NOTCH1: variants seen among roughly 807,000 people sequenced by gnomAD.
NOTCH1 encodes the protein notch receptor 1.
NOTCH1 carries 37 observed loss-of-function variants against 254.8 expected under a neutral mutation model. The observed-to-expected ratio is 0.15, with a 90% confidence interval of 0.11 to 0.19. The LOEUF (loss-of-function observed/expected upper bound fraction) is 0.19. Ranked by LOEUF, NOTCH1 falls within the 10% of genes least tolerant of loss-of-function variation. The pLI is 1.00. For missense variants in NOTCH1, 2,972 were observed against 3,708.6 expected (o/e 0.80, Z 5.16); for synonymous variants, 1,731 against 1,618.1 (o/e 1.07, Z -1.68).
At position 136,505,494 on chromosome 9, in the gene NOTCH1, T is replaced by C. The variant is rs1484006835; in HGVS notation, c.4402A>G (p.Asn1468Asp). The C allele has an allele frequency of 6.2e-7, 1 of 1,612,718 alleles. No individual in the cohort carries two copies. Residue 1468 changes from asparagine to aspartate, a missense_variant, in exon 25 of 34, where the codon AAC (asparagine) becomes GAC (aspartate). Asn to Asp is a conservative substitution (Grantham distance 23). Around this residue, in one of 8 missense-constraint regions of NOTCH1, gnomAD observed 1,343 missense variants for 1,557.0 expected, o/e 0.86. Coordinates refer to ENST00000651671, the MANE Select transcript of NOTCH1 (RefSeq NM_017617.5). ...AGNKVCSLQC[N>D]NHACGWDGGD... ...CCGTCCCAGCCGCACGCGTGGTTGT[T>C]GCACTGCAGGCTGCAGACCTTGTTG...
chr9:136,508,190 T>C (rs199732383), intron 20 of NOTCH1, 42 bp downstream of exon 20: 16 of 1,609,136 alleles, frequency 9.9e-6, no homozygotes, highest in Middle Eastern at 1.7e-4. Context: ...ACAGAGGACC[T>C]TGATGGGCTG....
intron 18 of NOTCH1, among the ~76,000 whole-genome samples, chr9:136,509,325 T>C (rs756051162): frequency 1.3e-5 from 2 of 152,102 alleles, no homozygotes; most frequent in Non-Finnish European, 2.9e-5. Context: ...CGCGTGGGCA[T>C]AGGGTGGTTA....
In NOTCH1 at chr9:136,508,154, G is replaced by A. The variant is rs371180086; in HGVS notation, c.3326-15C>T. On this transcript the variant is annotated splice_polypyrimidine_tract_variant and intron_variant, in intron 20 of 33. Transcript: ENST00000651671. ...AACGTCAACACCTGCGGGGGATGGG[G>A]TGGTAGACAGGTGAGGCCCAGGCCC... 2 of 1,608,088 alleles carry A rather than the reference G, an allele frequency of 1.2e-6. No individual in the cohort carries two copies. Among genetic ancestry groups the A allele is most frequent in the Non-Finnish European group, 1.7e-6 (2 of 1,179,610 alleles).
At position 136,496,185 on chromosome 9, in the gene NOTCH1, G is replaced by T. The variant is rs771410115; in HGVS notation, c.7554C>A (p.Asp2518Glu). 1.2e-6 allele frequency: 2 copies of T among 1,610,618 alleles called. No individual in the cohort carries two copies. Among genetic ancestry groups the T allele is most frequent in the Non-Finnish European group, 1.7e-6 (2 of 1,179,516 alleles). Residue 2518 changes from aspartate (D) to glutamate (E), a missense_variant, in exon 34 of 34, where the codon GAC becomes GAA. By Grantham distance (45) the Asp-to-Glu change is conservative. This residue lies in a region of NOTCH1 where 85 missense variants were observed against 126.1 expected (regional missense o/e 0.67). Transcript: ENST00000651671. Reference sequence around the variant, plus strand: ...AATGCGGGGACGAGCTGGACCACTGGTCAGGGGACTCAGGGGACGGGGTGA... The same window carrying T: ...AATGCGGGGACGAGCTGGACCACTGTTCAGGGGACTCAGGGGACGGGGTGA... ...PFLTPSPESP[D>E]QWSSSSPHSN...
At chr9:136,527,096 G>A (rs11574863) in intron 2 of NOTCH1, among the ~76,000 whole-genome samples, 22,638 of 152,288 alleles carry the variant, frequency 0.15, 1,783 homozygotes, top group South Asian at 0.26. Context: ...GGGGGTCTGT[G>A]TGTGGGGGGC....
chr9:136,516,214 G>C (rs1843270263), intron 9 of NOTCH1, 120 bp from the exon 10 acceptor site: 10 of 734,186 alleles, frequency 1.4e-5, no homozygotes, highest in Non-Finnish European at 2.1e-5. Flanking sequence ...CACTCAGCCT[G>C]AGCTCAGCCA....
intron 2 of NOTCH1, among the ~76,000 whole-genome samples, chr9:136,528,126 G>A (rs1589075469): frequency 6.6e-6 from 1 of 151,620 alleles, no homozygotes; most frequent in Non-Finnish European, 1.5e-5. Context: ...GAGAAGGAGG[G>A]GTGAGAGGGA....
chr9:136,507,849 G>A, intron 21 of NOTCH1, 106 bp downstream of exon 21: 3 of 1,159,554 alleles, frequency 2.6e-6, no homozygotes, highest in Non-Finnish European at 3.8e-6. Flanking sequence ...AACAGTGCAT[G>A]GGCCTATCAG....
At chr9:136,514,350 C>T (rs1221485880) in intron 13 of NOTCH1, among the ~76,000 whole-genome samples, 160 bp downstream of exon 13, 2 of 152,190 alleles carry the variant, frequency 1.3e-5, no homozygotes, top group Non-Finnish European at 2.9e-5. Context: ...GACTGAGGAC[C>T]CAGAGGCATG....
intron 25 of NOTCH1, 47 bp downstream of exon 25, chr9:136,505,263 A>G (rs773077132): frequency 1.7e-5 from 26 of 1,545,250 alleles, no homozygotes; most frequent in Non-Finnish European, 2.3e-5. Flanking sequence ...GCCAGGCCAC[A>G]TCCAAGTTCA....
intron 15 of NOTCH1, 91 bp downstream of exon 15, chr9:136,512,930 C>A (rs1160291840): frequency 2.4e-6 from 1 of 415,594 alleles, no homozygotes; most frequent in Non-Finnish European, 4.5e-6. Context: ...GCCCCACCCT[C>A]TCCAGCACAG....
chr9:136,517,477 T>C (rs1249437296), intron 8 of NOTCH1, 92 bp from the exon 9 acceptor site: 3 of 975,634 alleles, frequency 3.1e-6, no homozygotes, highest in African/African-American at 1.6e-5. Context: ...GAACCCTGCC[T>C]CCAGCCCAGT....
rs762077987 is a variant in NOTCH1 at position 136,508,390 on chromosome 9, G to A, written c.3172-5C>T. 1.9e-6 allele frequency: 3 copies of A among 1,613,130 alleles called. No homozygotes were observed. Among genetic ancestry groups the A allele is most frequent in the Non-Finnish European group, 2.5e-6 (3 of 1,179,978 alleles). ...GTCACACCAGTGCACAAGGTTCTGG[G>A]GACAGATTGGGGTCAGCTGGGTGCC... On this transcript the variant is annotated splice_polypyrimidine_tract_variant and splice_region_variant and intron_variant, in intron 19 of 33. Transcript: ENST00000651671.
At chr9:136,514,019 C>T (rs1843224085) in intron 13 of NOTCH1, among the ~76,000 whole-genome samples, 1 of 152,118 alleles carries the variant, frequency 6.6e-6, no homozygotes. Flanking sequence ...AAGACTGCGG[C>T]AGGGGTTTGG....
At chr9:136,501,181 C>G (rs1444385545) in intron 30 of NOTCH1, among the ~76,000 whole-genome samples, 1 of 152,226 alleles carries the variant, frequency 6.6e-6, no homozygotes, top group Non-Finnish European at 1.5e-5. Flanking sequence ...ACGCTGTCAT[C>G]CTAGCACTGG....
At position 136,536,587 on chromosome 9, in the gene NOTCH1, C is replaced by T. The variant is rs1843661018; in HGVS notation, c.140+7437G>A. On this transcript the variant is annotated intron_variant, in intron 2 of 33. Coordinates refer to ENST00000651671, the MANE Select transcript of NOTCH1 (RefSeq NM_017617.5). ...CCCCCCGCTGCCCCAGCCACCGCCG[C>T]TCCTTTGGTCTGGAGCTCCCTGCCG... Among the ~76,000 whole-genome samples, 5 of 152,328 alleles carry T rather than the reference C, an allele frequency of 3.3e-5. No homozygotes were observed. In the South Asian group the frequency reaches 1.0e-3, roughly 32 times the overall value.
Position 136,500,476 on chromosome 9 carries a change from G to A in NOTCH1, c.5934+76C>T, listed in dbSNP as rs1206240685. ...CTCGGGGTCAGGCTCCCAGGGCCAC[G>A]TAAGCCTGGCCACTGCCCCAGACCA... On this transcript the variant is annotated intron_variant, in intron 31 of 33. Transcript: ENST00000651671. 8.9e-6 allele frequency: 14 copies of A among 1,571,234 alleles called. 1 individual carries two copies. Among genetic ancestry groups the A allele is most frequent in the South Asian group, 2.2e-5 (2 of 89,912 alleles).
intron 26 of NOTCH1, among the ~76,000 whole-genome samples, chr9:136,503,837 T>C (rs1401909634): frequency 6.6e-6 from 1 of 152,178 alleles, no homozygotes; most frequent in East Asian, 1.9e-4. Flanking sequence ...ACCTCCAGGA[T>C]TGCTCCAAGC....
At position 136,500,551 on chromosome 9, in the gene NOTCH1, C is replaced by G. The variant is rs777509096; in HGVS notation, c.5934+1G>C. 1 of 1,610,522 alleles carries G rather than the reference C, an allele frequency of 6.2e-7. No homozygotes were observed. The highest frequency in any genetic ancestry group is 8.5e-7 in the Non-Finnish European group (1 of 1,179,882). ...TGGGCACACAGGCAGCCACTGCCTA[C>G]CTGGAAGACACCTTGTGCGTCGGCA... On this transcript the variant is annotated splice_donor_variant, in intron 31 of 33. Coordinates refer to ENST00000651671, the MANE Select transcript of NOTCH1 (RefSeq NM_017617.5). LOFTEE classifies it high-confidence loss of function.
Sources: allele counts gnomAD v4.1 joint callset (sites outside exome capture counted in the v4.1 genomes callset), GRCh38; gene constraint gnomAD v4.1.1; regional missense constraint gnomAD v4.1.1; transcripts MANE v1.5; gene names NCBI Gene and HGNC (gene_info 2026-07-23, HGNC 2026-07-21).